Variants in MOB1B observed in about 807,000 individuals in gnomAD.
MOB1B encodes the protein MOB1 Mps One Binder homolog B.
A neutral mutation model predicts 24.4 loss-of-function variants in MOB1B; 19 were observed. The observed-to-expected ratio is 0.78, with a 90% CI of 0.54 to 1.14. The LOEUF is 1.14. MOB1B is among the 50% of genes most tolerant of loss of function. The pLI is 0.00. For missense variants in MOB1B, 243 were observed against 259.6 expected, an observed-to-expected ratio of 0.94 and a Z score of 0.44; for synonymous variants, 76 against 82.1, an observed-to-expected ratio of 0.93 and a Z score of 0.40.
intron 1 of MOB1B, among the ~76,000 whole-genome samples, chr4:70,917,612 T>G (rs1736246579): frequency 6.6e-6 from 1 of 152,208 alleles, no homozygotes; most frequent in African/African-American, 2.4e-5. Flanking sequence ...TCTGACGTTC[T>G]CAGAAGATCC....
At chr4:70,955,554 C>T (rs894299702) in intron 1 of MOB1B, among the ~76,000 whole-genome samples, 8 of 149,382 alleles carry the variant, frequency 5.4e-5, no homozygotes, top group Non-Finnish European at 1.2e-4. Flanking sequence ...CACTGCAACC[C>T]CCGCCTCCTG....
chr4:70,919,276 T>G (rs1578350800), intron 1 of MOB1B, among the ~76,000 whole-genome samples: 2 of 151,854 alleles, frequency 1.3e-5, no homozygotes, highest in East Asian at 3.9e-4. Flanking sequence ...ACCTGCATAT[T>G]GTGCACATGT....
In MOB1B at chr4:70,932,985, G is replaced by T. The variant is rs550612078; in HGVS notation, c.15-25889G>T. On this transcript the variant is annotated intron_variant, in intron 1 of 5. Coordinates refer to ENST00000309395, the MANE Select transcript of MOB1B (RefSeq NM_173468.4). ...TGTATTAGTCTGTTCTCATACTGCT[G>T]TGAACAAATACCAGAGACTGGGTAA... 3.9e-5 allele frequency among the ~76,000 whole-genome samples: 6 copies of T among 152,272 alleles called. No individual in the cohort carries two copies. The South Asian group carries it at 8.3e-4, about 21-fold the overall frequency.
At chr4:70,959,956 T>G (rs1738235759) in intron 2 of MOB1B, among the ~76,000 whole-genome samples, 1 of 152,154 alleles carries the variant, frequency 6.6e-6, no homozygotes, top group Non-Finnish European at 1.5e-5. Context: ...TGATCTCGGC[T>G]CACTCCAACC....
chr4:70,957,449 T>TA (rs1206827420), intron 1 of MOB1B, among the ~76,000 whole-genome samples: 2 of 151,098 alleles, frequency 1.3e-5, no homozygotes, highest in South Asian at 2.1e-4. Context: ...TTTTTTTTTT[T>TA]AAAGAGGCAG....
intron 1 of MOB1B, among the ~76,000 whole-genome samples, chr4:70,951,865 TCAAA>T (rs762825460): frequency 1.9e-4 from 29 of 152,232 alleles, no homozygotes; most frequent in Non-Finnish European, 3.5e-4. Flanking sequence ...AGACCTTGTC[TCAAA>T]CAAACAAAAA....
At chr4:70,955,322 G>A (rs948366674) in intron 1 of MOB1B, among the ~76,000 whole-genome samples, 4 of 152,054 alleles carry the variant, frequency 2.6e-5, no homozygotes, top group Non-Finnish European at 4.4e-5. Flanking sequence ...CATCTCAGCC[G>A]TGTGCTAATT....
intron 1 of MOB1B, among the ~76,000 whole-genome samples, chr4:70,919,231 T>C (rs1029407211): frequency 1.1e-4 from 16 of 151,660 alleles, no homozygotes; most frequent in African/African-American, 2.4e-4. Flanking sequence ...GTGGGTGCAG[T>C]GCACCAGCAT....
chr4:70,933,238 G>A (rs1736950615), intron 1 of MOB1B, among the ~76,000 whole-genome samples: 1 of 152,228 alleles, frequency 6.6e-6, no homozygotes, highest in African/African-American at 2.4e-5. Context: ...CAGCAAGCGG[G>A]AAGTCCATCC....
intron 4 of MOB1B, chr4:70,976,891 A>T (rs1739029172): frequency 6.6e-6 from 1 of 152,320 alleles, no homozygotes; most frequent in Admixed American, 6.6e-5. Flanking sequence ...AAAATTTACA[A>T]GACTTATACA....
chr4:70,920,679 T>C (rs1736398464), intron 1 of MOB1B, among the ~76,000 whole-genome samples: 1 of 152,232 alleles, frequency 6.6e-6, no homozygotes, highest in African/African-American at 2.4e-5. Flanking sequence ...CTGGGTTCTC[T>C]CTCTCTGAGT....
intron 1 of MOB1B, among the ~76,000 whole-genome samples, chr4:70,939,723 C>T (rs1157683704): frequency 6.6e-6 from 1 of 152,140 alleles, no homozygotes; most frequent in Admixed American, 6.5e-5. Context: ...GTGCTGAAGC[C>T]CCAGTGGGCG....
At chr4:70,952,063 A>G (rs1212962529) in intron 1 of MOB1B, among the ~76,000 whole-genome samples, 2 of 152,222 alleles carry the variant, frequency 1.3e-5, no homozygotes, top group Non-Finnish European at 2.9e-5. Context: ...AAATTTAAAA[A>G]TGTAACTGCT....
intron 1 of MOB1B, among the ~76,000 whole-genome samples, chr4:70,911,323 G>A (rs1364888690): frequency 3.3e-5 from 5 of 151,094 alleles, no homozygotes; most frequent in Non-Finnish European, 7.4e-5. Context: ...CCACTGTAAG[G>A]TTATTTTATT....
At chr4:70,978,198 C>T (rs1739075891) in intron 4 of MOB1B, among the ~76,000 whole-genome samples, 1 of 152,154 alleles carries the variant, frequency 6.6e-6, no homozygotes, top group African/African-American at 2.4e-5. Flanking sequence ...CTTTTTGTGT[C>T]TGGCTTGTTT....
Position 70,985,961 on chromosome 4 carries a change from T to C in MOB1B, c.*3904T>C, listed in dbSNP as rs1405131107. ...AATGTTTTAAGCATTGGTAGCATAA[T>C]TGAATAAAAGAATAGTTTCCTGATG... On this transcript the variant is annotated 3_prime_UTR_variant, in exon 6 of 6. Transcript: ENST00000309395. The C allele has an allele frequency of 3.3e-5, 5 of 152,244 alleles. No homozygotes were observed. Among genetic ancestry groups the C allele is most frequent in the African/African-American group, 1.2e-4 (5 of 41,458 alleles). The allele number at this position is 152,244 out of a possible 1,614,324, so 9.4% of individuals were successfully genotyped here. A position where few individuals can be genotyped will look rare whatever the true frequency, so the allele number is the denominator to read the frequency against.
intron 1 of MOB1B, among the ~76,000 whole-genome samples, chr4:70,943,485 A>G (rs1031592499): frequency 5.3e-5 from 8 of 152,232 alleles, no homozygotes; most frequent in African/African-American, 1.9e-4. Context: ...ATCATCTGAC[A>G]TAAAATAGTG....
chr4:70,943,871 T>TA (rs940351838), intron 1 of MOB1B, among the ~76,000 whole-genome samples: 42 of 149,328 alleles, frequency 2.8e-4, no homozygotes, highest in African/African-American at 7.4e-4. Flanking sequence ...TCAATCAAAA[T>TA]AAAAAAAAAC....
chr4:70,902,421 G>GCAC lies in MOB1B; in HGVS notation c.-114_-112dup. 1 of 1,167,364 alleles carries GCAC rather than the reference G, an allele frequency of 8.6e-7. No individual in the cohort carries two copies. Among genetic ancestry groups the GCAC allele is most frequent in the Non-Finnish European group, 1.3e-6 (1 of 799,462 alleles). 72.3% of individuals were successfully genotyped at this position (1,167,364 alleles called of 1,614,324 possible). On this transcript the variant is annotated 5_prime_UTR_variant, in exon 1 of 6. Transcript: ENST00000309395. Reference sequence around the variant, plus strand: ...GCGGCCACCGAGCAGCCGGCTCTCGGCACCTCCTCCTCCGCCTCCCTGTCT... The same window carrying GCAC: ...GCGGCCACCGAGCAGCCGGCTCTCGGCACCACCTCCTCCTCCGCCTCCCTGTCT...
Sources: allele counts gnomAD v4.1 joint callset (sites outside exome capture counted in the v4.1 genomes callset), GRCh38; gene constraint gnomAD v4.1.1; transcripts MANE v1.5; gene names NCBI Gene and HGNC (gene_info 2026-07-23, HGNC 2026-07-21).